Variants in DNER observed in about 807,000 individuals in gnomAD.
DNER encodes the protein delta/notch like EGF repeat containing, also known as delta and Notch-like epidermal growth factor-related receptor.
A neutral mutation model predicts 78.2 loss-of-function variants in DNER; 33 were observed. That is an observed-to-expected ratio of 0.42 (90% CI 0.32 to 0.56). The LOEUF (loss-of-function observed/expected upper bound fraction) is 0.56, where lower values mean the gene tolerates loss of function less well. DNER is among the 20% of genes least tolerant of loss of function. The pLI is 0.11. For missense variants in DNER, 918 were observed against 975.3 expected (o/e 0.94, Z 0.78); for synonymous variants, 417 against 384.8 (o/e 1.08, Z -0.98).
At chr2:229,378,350 G>C (rs1301846593) in intron 11 of DNER, among the ~76,000 whole-genome samples, 1 of 152,172 alleles carries the variant, frequency 6.6e-6, no homozygotes, top group East Asian at 1.9e-4. Context: ...TTTGAACTGA[G>C]ACCTGAATGA....
intron 7 of DNER, among the ~76,000 whole-genome samples, chr2:229,462,878 A>T (rs1349041675): frequency 6.6e-6 from 1 of 152,052 alleles, no homozygotes; most frequent in Non-Finnish European, 1.5e-5. Flanking sequence ...GATCCTTGCC[A>T]CATGCCATTT....
intron 7 of DNER, among the ~76,000 whole-genome samples, chr2:229,464,074 T>C (rs1352630212): frequency 1.3e-5 from 2 of 152,198 alleles, no homozygotes; most frequent in Non-Finnish European, 2.9e-5. Flanking sequence ...CTTTTCCAAC[T>C]GGGCCTGAAA....
At chr2:229,635,521 T>C (rs1334824125) in intron 1 of DNER, among the ~76,000 whole-genome samples, 2 of 152,152 alleles carry the variant, frequency 1.3e-5, no homozygotes, top group Non-Finnish European at 2.9e-5. Context: ...TCAATGTCTT[T>C]ATTCCTCACA....
chr2:229,547,403 G>T (rs1218180649), intron 4 of DNER, among the ~76,000 whole-genome samples: 2 of 152,148 alleles, frequency 1.3e-5, no homozygotes, highest in East Asian at 3.8e-4. Flanking sequence ...TGCCCTCTGG[G>T]GGCTGCTTTG....
chr2:229,625,725 G>A (rs1353915788), intron 1 of DNER, among the ~76,000 whole-genome samples: 1 of 152,166 alleles, frequency 6.6e-6, no homozygotes, highest in Non-Finnish European at 1.5e-5. Flanking sequence ...CAGGAAAGTT[G>A]TCCTAAGTAT....
Position 229,434,258 on chromosome 2 carries a change from G to C in DNER, c.1486+13058C>G, listed in dbSNP as rs1007564390. Among the ~76,000 whole-genome samples the C allele has an allele frequency of 2.6e-5, 4 of 152,152 alleles. No individual in the cohort carries two copies. The South Asian group carries it at 6.2e-4, about 24-fold the overall frequency. The stretch of plus-strand genomic sequence containing the variant: ...ACAATGCAATCGTGTCATCCTCTAA[G>C]CTTTCTATTAGTCATTGCCATTCTC... On this transcript the variant is annotated intron_variant, in intron 8 of 12. Transcript: ENST00000341772.
chr2:229,633,424 C>A (rs1474085878), intron 1 of DNER, among the ~76,000 whole-genome samples: 1 of 152,146 alleles, frequency 6.6e-6, no homozygotes, highest in African/African-American at 2.4e-5. Flanking sequence ...GGATATTTTT[C>A]TCTTTCTTGC....
chr2:229,665,637 TATTTAATGTTTTTACCCTACTCAA>T (rs1559200793), intron 1 of DNER, among the ~76,000 whole-genome samples: 2 of 152,216 alleles, frequency 1.3e-5, no homozygotes, highest in Non-Finnish European at 2.9e-5. Flanking sequence ...AAATTGTCAG[TATTTAATGTTTTTACCCTACTCAA>T]TGTTAGATAT....
rs1426804299 is a variant in DNER, at chr2:229,585,884, A to C, written c.821T>G (p.Leu274Arg). ...SGGLVLLEEM[L>R]ALGNNHFIGF... ...AATAAAGTGATTATTCCCCAAGGCG[A>C]GCATCTCCTCCAGGAGGACCAGTCC... The change falls in exon 4 of 13, where the codon CTC (leucine) becomes CGC (arginine). Residue 274 changes from leucine (L) to arginine (R), a missense_variant. Physicochemically the swap from Leu to Arg is moderately radical, Grantham distance 102. Transcript: ENST00000341772. 6.2e-7 allele frequency: 1 copy of C among 1,613,970 alleles called. No individual in the cohort carries two copies. The highest frequency in any genetic ancestry group is 1.1e-5 in the South Asian group (1 of 91,050).
At chr2:229,621,398 G>T (rs967470465) in intron 1 of DNER, among the ~76,000 whole-genome samples, 2 of 152,118 alleles carry the variant, frequency 1.3e-5, no homozygotes, top group South Asian at 2.1e-4. Context: ...CCCTGGAGAG[G>T]CTGGCCCCGA....
chr2:229,372,843 C>A (rs1559333842), intron 11 of DNER, among the ~76,000 whole-genome samples: 1 of 151,998 alleles, frequency 6.6e-6, no homozygotes, highest in Non-Finnish European at 1.5e-5. Context: ...AGGGGGGAAT[C>A]AACCAGACTA....
intron 7 of DNER, among the ~76,000 whole-genome samples, chr2:229,448,431 T>G (rs149206338): frequency 6.6e-6 from 1 of 152,344 alleles, no homozygotes; most frequent in African/African-American, 2.4e-5. Flanking sequence ...TGTTTTAAAC[T>G]TGGATTGTGG....
At chr2:229,502,840 GT>G (rs1331394464) in intron 6 of DNER, among the ~76,000 whole-genome samples, 2 of 152,166 alleles carry the variant, frequency 1.3e-5, no homozygotes, top group Non-Finnish European at 2.9e-5. Flanking sequence ...GGTTTACCTG[GT>G]TTCGCAGCTG....
chr2:229,573,148 A>G (rs1362214926), intron 4 of DNER, among the ~76,000 whole-genome samples: 3 of 152,160 alleles, frequency 2.0e-5, no homozygotes, highest in Non-Finnish European at 4.4e-5. Flanking sequence ...TTTGTCATGT[A>G]TTTATTTAAG....
intron 1 of DNER, among the ~76,000 whole-genome samples, chr2:229,652,602 C>T (rs1008635615): frequency 6.6e-6 from 1 of 152,196 alleles, no homozygotes; most frequent in African/African-American, 2.4e-5. Flanking sequence ...AGGGAGGCAA[C>T]CTGACTGCTC....
chr2:229,658,120 G>C (rs990919886), intron 1 of DNER, among the ~76,000 whole-genome samples: 1 of 152,212 alleles, frequency 6.6e-6, no homozygotes, highest in Non-Finnish European at 1.5e-5. Context: ...TTTATGATCA[G>C]GGAGTCGGGG....
chr2:229,585,749 G>T, intron 4 of DNER, 109 bp downstream of exon 4: 2 of 1,100,998 alleles, frequency 1.8e-6, no homozygotes, highest in Non-Finnish European at 1.3e-6. Flanking sequence ...TAGCATTGAT[G>T]GATAGAATTC....
chr2:229,586,158 A>G, intron 3 of DNER, 134 bp from the exon 4 acceptor site: 2 of 1,109,348 alleles, frequency 1.8e-6, no homozygotes, highest in South Asian at 3.4e-5. Flanking sequence ...TGGCATAAAC[A>G]GATACGCGGG....
intron 11 of DNER, among the ~76,000 whole-genome samples, chr2:229,373,705 T>A (rs868014532): frequency 6.6e-6 from 1 of 152,090 alleles, no homozygotes; most frequent in Non-Finnish European, 1.5e-5. Flanking sequence ...CCATCAAAGA[T>A]GGATTGAATA....
Sources: gnomAD v4.1 joint callset for allele counts (sites outside exome capture counted in the v4.1 genomes callset) on GRCh38, gnomAD v4.1.1 for gene constraint, MANE v1.5 for transcripts, NCBI Gene and HGNC (gene_info 2026-07-23, HGNC 2026-07-21) for gene names.